The following PYGO1 variants were observed in gnomAD, a reference collection of about 807,000 sequenced individuals.
The protein encoded by PYGO1 is pygopus homolog 1.
A neutral mutation model predicts 29.5 loss-of-function variants in PYGO1; 6 were observed. That is an observed-to-expected ratio of 0.20 (90% confidence interval 0.11 to 0.40). The LOEUF is 0.40. Ranked by LOEUF, PYGO1 falls within the 10% of genes least tolerant of loss-of-function variation. PYGO1 has a pLI of 1.00. For synonymous variants in PYGO1, 186 were observed against 180.5 expected (o/e 1.03, Z -0.24); for missense variants, 515 against 514.9 (o/e 1.00, Z 0.00).
chr15:55,584,611 G>T (rs1483014297), intron 1 of PYGO1, among the ~76,000 whole-genome samples: 1 of 152,156 alleles, frequency 6.6e-6, no homozygotes, highest in African/African-American at 2.4e-5. Context: ...GTAGTATGAG[G>T]GGAAATGGAC....
chr15:55,588,917 T>A (rs922031748), upstream of PYGO1: 14 of 1,415,200 alleles, frequency 9.9e-6, no homozygotes, highest in African/African-American at 1.8e-4. Flanking sequence ...GTCTGTAGAA[T>A]GCCTCCACTT....
chr15:55,582,763 A>C (rs1474124490), intron 1 of PYGO1, among the ~76,000 whole-genome samples: 4 of 152,126 alleles, frequency 2.6e-5, no homozygotes, highest in Non-Finnish European at 4.4e-5. Flanking sequence ...TTTCCTGATA[A>C]TCTGCCTAGC....
intron 1 of PYGO1, among the ~76,000 whole-genome samples, chr15:55,554,399 G>A (rs2058893777): frequency 6.6e-6 from 1 of 150,450 alleles, no homozygotes; most frequent in African/African-American, 2.5e-5. Flanking sequence ...AACATGGGAG[G>A]TGGAGCTTGC....
intron 1 of PYGO1, among the ~76,000 whole-genome samples, chr15:55,549,643 T>C (rs549831411): frequency 2.6e-4 from 40 of 152,296 alleles, no homozygotes; most frequent in African/African-American, 9.4e-4. Context: ...GCATCAAAGG[T>C]ATGTGCCTTT....
At chr15:55,560,442 G>T (rs4774789) in intron 1 of PYGO1, among the ~76,000 whole-genome samples, 133,748 of 152,054 alleles carry the variant, frequency 0.88, 58,962 homozygotes, top group Admixed American at 0.92. Flanking sequence ...TTGCTAGAGA[G>T]AATATACTAC....
At chr15:55,570,940 A>C (rs1201368289) in intron 1 of PYGO1, among the ~76,000 whole-genome samples, 1 of 152,192 alleles carries the variant, frequency 6.6e-6, no homozygotes, top group Non-Finnish European at 1.5e-5. Flanking sequence ...TATTAAGTAT[A>C]TTCACATTAC....
At chr15:55,571,703 T>C (rs1241434509) in intron 1 of PYGO1, among the ~76,000 whole-genome samples, 1 of 152,180 alleles carries the variant, frequency 6.6e-6, no homozygotes, top group Non-Finnish European at 1.5e-5. Context: ...CCTCTTTTTA[T>C]CTATAAATCA....
chr15:55,555,771 T>G (rs1006984038), intron 1 of PYGO1, among the ~76,000 whole-genome samples: 3 of 151,902 alleles, frequency 2.0e-5, no homozygotes, highest in Non-Finnish European at 4.4e-5. Flanking sequence ...CGTTATGCTG[T>G]CTCCGAAAGA....
intron 1 of PYGO1, among the ~76,000 whole-genome samples, chr15:55,553,065 G>A (rs1427527287): frequency 6.6e-6 from 1 of 152,220 alleles, no homozygotes; most frequent in Non-Finnish European, 1.5e-5. Context: ...TGGCACTGGG[G>A]AGTCCAGGCA....
rs1264022659 is a variant in PYGO1 at position 55,545,929 on chromosome 15, G to T, written c.*94C>A. 2 of 1,312,746 alleles carry T rather than the reference G, an allele frequency of 1.5e-6. No homozygotes were observed. The highest frequency in any genetic ancestry group is 1.5e-5 in the African/African-American group (1 of 66,968). 81.3% of individuals were successfully genotyped at this position (1,312,746 alleles called of 1,614,324 possible). A position where few individuals can be genotyped will look rare whatever the true frequency, so the allele number is the denominator to read the frequency against. ...CTAAGTAAATAATGTTTTTGTGTAT[G>T]CATTTAAAAAAATAATGTAAAACAT... On this transcript the variant is annotated 3_prime_UTR_variant, in exon 3 of 3. Coordinates refer to ENST00000563719, the MANE Select transcript of PYGO1 (RefSeq NM_001367806.1).
In PYGO1 at chr15:55,542,577, C is replaced by T. The variant is rs1010743641; in HGVS notation, c.*3446G>A. On this transcript the variant is annotated 3_prime_UTR_variant, in exon 3 of 3. Transcript: ENST00000563719. ...CGAGTAACACCTAGAAGCATGTGGACCACAAATTCTCTAGTGCATGAGCAA... is the reference window on the plus strand; with the variant it reads ...CGAGTAACACCTAGAAGCATGTGGATCACAAATTCTCTAGTGCATGAGCAA... The T allele has an allele frequency of 6.6e-6, 1 of 152,128 alleles. No individual in the cohort carries two copies. The highest frequency in any genetic ancestry group is 2.1e-4 in the South Asian group (1 of 4,826). 9.4% of individuals were successfully genotyped at this position (152,128 alleles called of 1,614,324 possible).
At chr15:55,573,313 GA>G (rs113821324) in intron 1 of PYGO1, among the ~76,000 whole-genome samples, 8,653 of 144,760 alleles carry the variant, frequency 0.06, 302 homozygotes, top group Middle Eastern at 0.08. Context: ...CTCAAAAAAG[GA>G]AAAAAAAAAA....
chr15:55,572,105 T>G (rs2058982700), intron 1 of PYGO1, among the ~76,000 whole-genome samples: 1 of 152,202 alleles, frequency 6.6e-6, no homozygotes. Flanking sequence ...CTAAAGATTC[T>G]GAATAGCCTA....
At chr15:55,570,360 A>C (rs949072660) in intron 1 of PYGO1, among the ~76,000 whole-genome samples, 3 of 152,210 alleles carry the variant, frequency 2.0e-5, no homozygotes, top group Non-Finnish European at 2.9e-5. Context: ...TTTGTTTTTA[A>C]GAAAAATTTT....
chr15:55,566,307 G>C (rs898989728), intron 1 of PYGO1, among the ~76,000 whole-genome samples: 1 of 151,716 alleles, frequency 6.6e-6, no homozygotes, highest in African/African-American at 2.4e-5. Flanking sequence ...CCACTTACAA[G>C]TGAGAACATG....
intron 1 of PYGO1, among the ~76,000 whole-genome samples, chr15:55,582,902 T>C (rs1414081073): frequency 3.3e-5 from 5 of 152,150 alleles, no homozygotes; most frequent in Non-Finnish European, 5.9e-5. Flanking sequence ...TTAATCCAAA[T>C]CCTCTATATT....
chr15:55,588,121 T>G lies in PYGO1; in HGVS notation c.-238A>C, dbSNP rs184350361. Reference sequence around the variant, plus strand: ...GGGCACCGGCGGGGCTCAGCGGCGGTGGCCGGGAGCGCGGCCTGGGGGCGG... The same window carrying G: ...GGGCACCGGCGGGGCTCAGCGGCGGGGGCCGGGAGCGCGGCCTGGGGGCGG... On this transcript the variant is annotated 5_prime_UTR_variant, in exon 1 of 3. Coordinates refer to ENST00000563719, the MANE Select transcript of PYGO1 (RefSeq NM_001367806.1). The G allele has an allele frequency of 5.0e-6, 4 of 802,636 alleles. No individual in the cohort carries two copies. Among genetic ancestry groups the G allele is most frequent in the Non-Finnish European group, 6.0e-6 (4 of 666,360 alleles). 49.7% of individuals were successfully genotyped at this position (802,636 alleles called of 1,614,324 possible). A position where few individuals can be genotyped will look rare whatever the true frequency, so the allele number is the denominator to read the frequency against.
chr15:55,562,707 G>A (rs1232888832), intron 1 of PYGO1, among the ~76,000 whole-genome samples: 5 of 151,686 alleles, frequency 3.3e-5, no homozygotes, highest in African/African-American at 7.3e-5. Context: ...TATGTTCAGT[G>A]CAGCACTATT....
In PYGO1 at chr15:55,548,928, C is replaced by T; in HGVS notation, c.117G>A (p.Lys39=). 1 of 1,612,626 alleles carries T rather than the reference C, an allele frequency of 6.2e-7. No individual in the cohort carries two copies. Among genetic ancestry groups the T allele is most frequent in the Non-Finnish European group, 8.5e-7 (1 of 1,179,406 alleles). The change falls in exon 2 of 3, where the codon AAG becomes AAA. Residue 39 remains lysine (K), a synonymous_variant. Coordinates refer to ENST00000563719, the MANE Select transcript of PYGO1 (RefSeq NM_001367806.1). ...AGTTTACCTGTGTATTTGCCTTGCG[C>T]TTTTTCTTATCTGGGCTTCCTAGTT... The part of the protein sequence containing the change: ...GVQLGSPDKK[K]RKANTQGPSF...
Sources: allele counts gnomAD v4.1 joint callset (sites outside exome capture counted in the v4.1 genomes callset), GRCh38; gene constraint gnomAD v4.1.1; transcripts MANE v1.5; gene names NCBI Gene and HGNC (gene_info 2026-07-23, HGNC 2026-07-21).